Variants in ZNF569 observed in about 807,000 individuals in gnomAD.
ZNF569 encodes zinc finger protein 569.
ZNF569 carries 38 observed loss-of-function variants against 56.3 expected under a neutral mutation model. That is an observed-to-expected ratio of 0.68 (90% CI 0.52 to 0.88). The LOEUF (loss-of-function observed/expected upper bound fraction) is 0.88, where lower values mean the gene tolerates loss of function less well. ZNF569 is among the 40% of genes least tolerant of loss of function. The pLI is 0.00. For synonymous variants in ZNF569, 241 were observed against 262.9 expected, an observed-to-expected ratio of 0.92 and a Z score of 0.81; for missense variants, 666 against 809.2, an observed-to-expected ratio of 0.82 and a Z score of 2.15.
At chr19:37,438,192 G>A (rs2041344217) in intron 3 of ZNF569, among the ~76,000 whole-genome samples, 1 of 152,042 alleles carries the variant, frequency 6.6e-6, no homozygotes, top group African/African-American at 2.4e-5. Context: ...CTTGAGCCTG[G>A]GAGTTTGAGT....
chr19:37,463,323 A>G (rs1012525044), intron 2 of ZNF569, among the ~76,000 whole-genome samples: 1 of 152,200 alleles, frequency 6.6e-6, no homozygotes, highest in Non-Finnish European at 1.5e-5. Context: ...AAAAATTCCT[A>G]TCACCTAGTG....
At chr19:37,454,871 A>G in intron 2 of ZNF569, 1 of 702,600 alleles carries the variant, frequency 1.4e-6, no homozygotes, top group Admixed American at 2.0e-5. Context: ...ATCCCAGGTA[A>G]GTAAAGCTTG....
At chr19:37,454,841 T>C (rs2041648499) in intron 2 of ZNF569, 1 of 702,660 alleles carries the variant, frequency 1.4e-6, no homozygotes, top group African/African-American at 1.7e-5. Flanking sequence ...TACTGGCTTA[T>C]ATGGTGTCTG....
chr19:37,454,862 T>C (rs145514465), intron 2 of ZNF569: 119 of 702,682 alleles, frequency 1.7e-4, no homozygotes, highest in Non-Finnish European at 2.8e-4. Flanking sequence ...GCAGAGTCCA[T>C]CCCAGGTAAG....
chr19:37,465,075 G>A (rs1045426552), intron 2 of ZNF569, among the ~76,000 whole-genome samples: 1 of 152,170 alleles, frequency 6.6e-6, no homozygotes, highest in African/African-American at 2.4e-5. Context: ...TAACAGGCAT[G>A]TTGCCACTTC....
At chr19:37,451,283 T>C (rs185815843) in intron 2 of ZNF569, among the ~76,000 whole-genome samples, 244 of 151,168 alleles carry the variant, frequency 1.6e-3, no homozygotes, top group Admixed American at 5.3e-3. Flanking sequence ...ACCTGTAATC[T>C]CAGCTACTCG....
chr19:37,448,410 G>C (rs2041533566), intron 2 of ZNF569, among the ~76,000 whole-genome samples: 1 of 151,830 alleles, frequency 6.6e-6, no homozygotes, highest in Non-Finnish European at 1.5e-5. Flanking sequence ...GGGGGTGAGT[G>C]TGACACCCTA....
chr19:37,469,038 C>T (rs188467911), upstream of ZNF569: 109 of 989,074 alleles, frequency 1.1e-4, no homozygotes, highest in African/African-American at 1.7e-3. Context: ...CTAAGGGAGG[C>T]GCGCAGAGCG....
chr19:37,413,933 T>C lies in ZNF569; in HGVS notation c.725A>G (p.Tyr242Cys). The change falls in exon 6 of 6, where the codon TAC (tyrosine) becomes TGC (cysteine). Residue 242 changes from tyrosine to cysteine, a missense_variant. Coordinates refer to ENST00000316950, the MANE Select transcript of ZNF569 (RefSeq NM_152484.3). ...HYKIHSREQS[Y>C]KCNECGKAFI... ...AGCTTTACCACATTCATTACATTTG[T>C]AAGACTGCTCCCTACTGTGAATTTT... 2 of 1,613,470 alleles carry C rather than the reference T, an allele frequency of 1.2e-6. No homozygotes were observed. The highest frequency in any genetic ancestry group is 1.7e-6 in the Non-Finnish European group (2 of 1,179,914).
intron 2 of ZNF569, among the ~76,000 whole-genome samples, chr19:37,448,302 T>TTTA (rs2146948605): frequency 6.6e-6 from 1 of 152,226 alleles, no homozygotes; most frequent in African/African-American, 2.4e-5. Context: ...ATTTTGGTAG[T>TTTA]TTATGTCTTT....
At chr19:37,455,041 T>G (rs752815760) in intron 2 of ZNF569, 2 of 543,012 alleles carry the variant, frequency 3.7e-6, no homozygotes, top group African/African-American at 3.9e-5. Context: ...GTTGTAATGA[T>G]TGAAGCAAAG....
At chr19:37,467,987 C>T, upstream of ZNF569, 3 of 1,508,270 alleles carry the variant, frequency 2.0e-6, no homozygotes, top group Non-Finnish European at 2.7e-6. Flanking sequence ...AGTAGTGTGG[C>T]CAGACCGCCT....
intron 2 of ZNF569, among the ~76,000 whole-genome samples, chr19:37,450,713 G>T (rs1446951089): frequency 2.6e-5 from 4 of 152,050 alleles, no homozygotes; most frequent in Non-Finnish European, 5.9e-5. Flanking sequence ...GAGATGTAAA[G>T]TTAGTTGTTT....
At chr19:37,422,233 T>C (rs947263370) in intron 5 of ZNF569, among the ~76,000 whole-genome samples, 6 of 152,172 alleles carry the variant, frequency 3.9e-5, no homozygotes, top group Admixed American at 2.6e-4. Flanking sequence ...TTAGAGGTCA[T>C]TGTAGGGTTA....
At chr19:37,438,834 T>C (rs1313063665) in intron 3 of ZNF569, among the ~76,000 whole-genome samples, 1 of 151,870 alleles carries the variant, frequency 6.6e-6, no homozygotes, top group African/African-American at 2.4e-5. Context: ...TGGGAGAAAA[T>C]ATATGTAAAC....
At chr19:37,423,235 TATAAA>T in intron 5 of ZNF569, among the ~76,000 whole-genome samples, 1 of 152,312 alleles carries the variant, frequency 6.6e-6, no homozygotes, top group African/African-American at 2.4e-5. Flanking sequence ...ATAGGATAGT[TATAAA>T]AGGAAAAATG....
chr19:37,414,238 GTCATAC>G lies in ZNF569; in HGVS notation c.414_419del (p.Glu138_Tyr139del). On this transcript the variant is annotated inframe_deletion, in exon 6 of 6. Transcript: ENST00000316950. Reference sequence around the variant, plus strand: ...TATGTTCTAAACACTTTCCAAATAAGTCATACTCATAGAGATTGTGTCTGGAAGGGA... The same window carrying G: ...TATGTTCTAAACACTTTCCAAATAAGTCATAGAGATTGTGTCTGGAAGGGA... 6.2e-7 allele frequency: 1 copy of G among 1,613,296 alleles called. No individual in the cohort carries two copies. Among genetic ancestry groups the G allele is most frequent in the Non-Finnish European group, 8.5e-7 (1 of 1,179,724 alleles).
chr19:37,420,735 TCTC>T (rs1231615545), intron 5 of ZNF569, among the ~76,000 whole-genome samples: 1 of 152,152 alleles, frequency 6.6e-6, no homozygotes, highest in Non-Finnish European at 1.5e-5. Flanking sequence ...GATATTCTGA[TCTC>T]CTCTCCTGAG....
chr19:37,417,133 A>C (rs1009612428), intron 5 of ZNF569, among the ~76,000 whole-genome samples: 3 of 152,198 alleles, frequency 2.0e-5, no homozygotes, highest in Non-Finnish European at 4.4e-5. Flanking sequence ...CCACAAACCA[A>C]GGAATGTCTG....
Sources: allele counts gnomAD v4.1 joint callset (sites outside exome capture counted in the v4.1 genomes callset), GRCh38; gene constraint gnomAD v4.1.1; transcripts MANE v1.5; gene names NCBI Gene and HGNC (gene_info 2026-07-23, HGNC 2026-07-21).